Variants in C13orf46 observed in about 807,000 individuals in gnomAD.
The protein encoded by C13orf46 is uncharacterized protein C13orf46.
At chr13:113,937,703 G>A in the C13orf46 span, among the ~76,000 whole-genome samples, 1 of 152,174 alleles carries the variant, frequency 6.6e-6, no homozygotes, top group South Asian at 2.1e-4. Context: ...CGCTGGTTCG[G>A]TCCGGAAAGG....
chr13:113,945,660 GAAAGAAAGAA>G, the C13orf46 span, among the ~76,000 whole-genome samples: 161 of 137,344 alleles, frequency 1.2e-3, 2 homozygotes, highest in African/African-American at 4.0e-3. Flanking sequence ...AAGAAAGAAA[GAAAGAAAGAA>G]AGGAAAGAAA....
chr13:113,965,237 A>G (rs955351360), intron 5 of C13orf46, among the ~76,000 whole-genome samples: 106,521 of 152,076 alleles, frequency 0.7, 38,173 homozygotes, highest in African/African-American at 0.86. Flanking sequence ...TGTGCCACTG[A>G]CTGGCCCTCC....
chr13:113,959,734 C>A (rs1026633839), intron 6 of C13orf46, among the ~76,000 whole-genome samples: 1 of 152,170 alleles, frequency 6.6e-6, no homozygotes, highest in African/African-American at 2.4e-5. Context: ...TGGCAATCTG[C>A]GATGATAGAG....
chr13:113,963,680 C>T (rs1002843442), intron 6 of C13orf46, among the ~76,000 whole-genome samples: 2 of 149,936 alleles, frequency 1.3e-5, no homozygotes, highest in Admixed American at 6.6e-5. Flanking sequence ...TCCTCAGCCA[C>T]GGCCCCTGTC....
chr13:113,973,486 A>C (rs975269280), intron 1 of C13orf46, among the ~76,000 whole-genome samples: 4 of 152,160 alleles, frequency 2.6e-5, no homozygotes, highest in African/African-American at 9.7e-5. Context: ...ATCGAGACCC[A>C]AAGAATGCAG....
chr13:113,965,842 ATGATGG>A (rs1378456336), intron 5 of C13orf46, among the ~76,000 whole-genome samples: 2 of 147,714 alleles, frequency 1.4e-5, no homozygotes, highest in Non-Finnish European at 3.0e-5. Flanking sequence ...GGTGATGGTG[ATGATGG>A]TGATGGTGGT....
At chr13:113,971,689 C>T (rs1027729551) in intron 1 of C13orf46, among the ~76,000 whole-genome samples, 15 of 152,338 alleles carry the variant, frequency 9.8e-5, no homozygotes, top group Admixed American at 7.2e-4. Context: ...GAAGTGGACG[C>T]GGCGTCTCAC....
downstream of C13orf46, among the ~76,000 whole-genome samples, chr13:113,951,720 C>A (rs1487633545): frequency 2.6e-5 from 4 of 152,238 alleles, no homozygotes; most frequent in African/African-American, 9.6e-5. Flanking sequence ...CAGGCGTCGC[C>A]AGGCCATGGC....
chr13:113,931,098 A>T, the C13orf46 span, among the ~76,000 whole-genome samples: 7 of 152,192 alleles, frequency 4.6e-5, no homozygotes, highest in African/African-American at 1.7e-4. Context: ...CGTGTGCAAC[A>T]AACAGGCTTG....
chr13:113,937,641 T>G, the C13orf46 span, among the ~76,000 whole-genome samples: 20 of 152,158 alleles, frequency 1.3e-4, no homozygotes, highest in South Asian at 4.2e-3. Flanking sequence ...GGCGCAGAGT[T>G]TGGTTTTACA....
At chr13:113,962,131 C>A (rs999946664) in intron 6 of C13orf46, among the ~76,000 whole-genome samples, 1 of 152,102 alleles carries the variant, frequency 6.6e-6, no homozygotes, top group African/African-American at 2.4e-5. Context: ...AGGCTGGGTG[C>A]GGTGGCTCAC....
At chr13:113,960,481 G>T (rs1187112447) in intron 6 of C13orf46, among the ~76,000 whole-genome samples, 6 of 152,150 alleles carry the variant, frequency 3.9e-5, no homozygotes, top group Non-Finnish European at 8.8e-5. Context: ...CAGGTCGTGC[G>T]TGGCTGCCTC....
At chr13:113,936,850 C>T in the C13orf46 span, among the ~76,000 whole-genome samples, 1 of 151,518 alleles carries the variant, frequency 6.6e-6, no homozygotes, top group Non-Finnish European at 1.5e-5. Context: ...CCTGAAAAGA[C>T]ATCTCAAAGG....
At chr13:113,950,631 C>T (rs1326811107), downstream of C13orf46, among the ~76,000 whole-genome samples, 5 of 152,230 alleles carry the variant, frequency 3.3e-5, no homozygotes, top group Non-Finnish European at 7.4e-5. Context: ...AGCATTGCAA[C>T]ACGGAGAGTT....
At chr13:113,938,401 T>G in the C13orf46 span, among the ~76,000 whole-genome samples, 5 of 152,134 alleles carry the variant, frequency 3.3e-5, no homozygotes, top group Admixed American at 2.0e-4. Context: ...AGCCACTGCT[T>G]TCTTTTCTCA....
the C13orf46 span, among the ~76,000 whole-genome samples, chr13:113,942,140 C>G: frequency 1.3e-5 from 2 of 152,206 alleles, no homozygotes; most frequent in African/African-American, 4.8e-5. Flanking sequence ...GATTGCAAAC[C>G]ACAGAATCCA....
downstream of C13orf46, among the ~76,000 whole-genome samples, chr13:113,953,442 G>T (rs1720466595): frequency 6.6e-6 from 1 of 152,124 alleles, no homozygotes; most frequent in Non-Finnish European, 1.5e-5. Context: ...GCCCTGATCA[G>T]CTCTTCCCCC....
chr13:113,948,337 T>G, the C13orf46 span, among the ~76,000 whole-genome samples: 1 of 152,194 alleles, frequency 6.6e-6, no homozygotes, highest in East Asian at 1.9e-4. Flanking sequence ...TATTTATTGT[T>G]CTTGACATCA....
intron 6 of C13orf46, among the ~76,000 whole-genome samples, chr13:113,959,967 T>G (rs1346617107): frequency 6.6e-6 from 1 of 152,214 alleles, no homozygotes; most frequent in Non-Finnish European, 1.5e-5. Context: ...AAGATTGAGC[T>G]TTGGGCCAGG....
Sources: allele counts gnomAD v4.1 joint callset (sites outside exome capture counted in the v4.1 genomes callset), GRCh38; gene constraint gnomAD v4.1.1; transcripts MANE v1.5; gene names NCBI Gene and HGNC (gene_info 2026-07-23, HGNC 2026-07-21).